Variants in SOAT2 observed in about 807,000 individuals in gnomAD.
SOAT2 encodes ACAT-2.
A neutral mutation model predicts 76.0 loss-of-function variants in SOAT2; 87 were observed. That is an observed-to-expected ratio of 1.14 (90% confidence interval 0.96 to 1.37). SOAT2 has a LOEUF of 1.37. Among genes scored for constraint, SOAT2 ranks in the 40% most tolerant of loss-of-function variants. The pLI is 0.00. For missense variants in SOAT2, 686 were observed against 682.1 expected, an observed-to-expected ratio of 1.01 and a Z score of -0.06; for synonymous variants, 285 against 275.4, an observed-to-expected ratio of 1.03 and a Z score of -0.34.
At chr12:53,113,154 C>G (rs1447349907) in intron 5 of SOAT2, among the ~76,000 whole-genome samples, 2 of 152,164 alleles carry the variant, frequency 1.3e-5, no homozygotes, top group African/African-American at 4.8e-5. Context: ...TTTTGGACAA[C>G]ACAAGGGGGA....
chr12:53,118,441 C>A lies in SOAT2; in HGVS notation c.863+7C>A, dbSNP rs1938139737. On this transcript the variant is annotated splice_region_variant and intron_variant, in intron 8 of 14. Transcript: ENST00000301466. ...ACAGGGAGACTTACCCTAGGTAAGA[C>A]CCTGCACTCCTTCCCCAAATGCCCA... 1 of 1,599,810 alleles carries A rather than the reference C, an allele frequency of 6.3e-7. No individual in the cohort carries two copies. Among genetic ancestry groups the A allele is most frequent in the Non-Finnish European group, 8.6e-7 (1 of 1,167,246 alleles).
intron 6 of SOAT2, 62 bp downstream of exon 6, chr12:53,115,716 G>C: frequency 2.1e-6 from 3 of 1,445,252 alleles, no homozygotes; most frequent in Non-Finnish European, 2.7e-6. Context: ...TCTCAGCAGA[G>C]GGGGAGTCCC....
At chr12:53,112,683 ACT>A (rs1475131610) in intron 5 of SOAT2, among the ~76,000 whole-genome samples, 2 of 149,848 alleles carry the variant, frequency 1.3e-5, no homozygotes, top group African/African-American at 4.9e-5. Flanking sequence ...AATTAAGCTG[ACT>A]CTCAACCATT....
In SOAT2 at chr12:53,120,964, G is replaced by T; in HGVS notation, c.1137+81G>T. The T allele has an allele frequency of 5.7e-6, 6 of 1,056,260 alleles. No homozygotes were observed. In the Admixed American group the frequency reaches 1.0e-4, roughly 18 times the overall value. 65.4% of individuals were successfully genotyped at this position (1,056,260 alleles called of 1,614,324 possible). ...ATCTGGGGAAGATGGTAGCCAGGTT[G>T]GGTGTCACTTCAGCCATGCTGTTCA... On this transcript the variant is annotated intron_variant, in intron 11 of 14. Transcript: ENST00000301466.
chr12:53,105,472 C>T, intron 3 of SOAT2, 89 bp from the exon 4 acceptor site: 1 of 1,363,134 alleles, frequency 7.3e-7, no homozygotes, highest in Middle Eastern at 2.1e-4. Context: ...CCCTACCACT[C>T]CCCTTGGCTC....
chr12:53,113,678 A>G (rs534208670), intron 5 of SOAT2, among the ~76,000 whole-genome samples: 22 of 152,358 alleles, frequency 1.4e-4, no homozygotes, highest in African/African-American at 3.6e-4. Context: ...CACCAGGCCA[A>G]TTAAAAATTA....
chr12:53,123,365 T>A, intron 13 of SOAT2, 149 bp downstream of exon 13: 3 of 1,028,934 alleles, frequency 2.9e-6, no homozygotes, highest in African/African-American at 1.6e-5. Context: ...AAGGGGGTAC[T>A]TGGAAAGCAG....
chr12:53,123,996 T>G (rs1356697069), intron 14 of SOAT2, 77 bp from the exon 15 acceptor site: 3 of 1,603,964 alleles, frequency 1.9e-6, no homozygotes, highest in East Asian at 4.5e-5. Flanking sequence ...TTGGGGGTGA[T>G]GGACTCTCAC....
chr12:53,105,362 C>G, intron 3 of SOAT2, 119 bp downstream of exon 3: 1 of 1,339,768 alleles, frequency 7.5e-7, no homozygotes, highest in Admixed American at 2.2e-5. Context: ...CCCTCTTCCC[C>G]CCTTGTCTTC....
intron 2 of SOAT2, 119 bp from the exon 3 acceptor site, chr12:53,104,987 TG>T (rs1198386987): frequency 7.6e-6 from 8 of 1,051,492 alleles, no homozygotes; most frequent in Non-Finnish European, 9.1e-6. Flanking sequence ...CCCCCCAGGT[TG>T]TTTTTTTTTT....
In SOAT2 at chr12:53,103,629, G is replaced by C; in HGVS notation, c.52G>C (p.Gly18Arg). 6.5e-7 allele frequency: 1 copy of C among 1,544,126 alleles called. No individual in the cohort carries two copies. The highest frequency in any genetic ancestry group is 8.7e-7 in the Non-Finnish European group (1 of 1,145,710). Reference sequence around the variant, plus strand: ...TCTGCAGAGGACAGAAGGGCTGGGAGGGGAGCGGGAGCGCCAACCCTGTGG... The same window carrying C: ...TCTGCAGAGGACAGAAGGGCTGGGACGGGAGCGGGAGCGCCAACCCTGTGG... ...LRLQRTEGLG[G>R]ERERQPCGDG... The change falls in exon 1 of 15, where the codon GGG (glycine) becomes CGG (arginine). Residue 18 changes from glycine to arginine, a missense_variant. Gly to Arg is a moderately radical substitution (Grantham distance 125). Transcript: ENST00000301466.
chr12:53,118,896 CT>C lies in SOAT2; in HGVS notation c.871del (p.Tyr291MetfsTer36), dbSNP rs756142385. The C allele has an allele frequency of 1.2e-4, 197 of 1,613,944 alleles. 1 individual carries two copies. The highest frequency in any genetic ancestry group is 1.5e-4 in the Non-Finnish European group (181 of 1,180,008). ...IYRETYPRTP[Y>X]VRWNYVAKNF... ...GTCCCCATTGCCGCTGCAGGACGCC[CT>C]ATGTCAGGTGGAATTATGTGGCCAA... On this transcript the variant is annotated frameshift_variant, in exon 9 of 15. Transcript: ENST00000301466. LOFTEE classifies it high-confidence loss of function.
chr12:53,111,707 T>G (rs750846587), intron 5 of SOAT2, among the ~76,000 whole-genome samples: 1 of 152,212 alleles, frequency 6.6e-6, no homozygotes, highest in Non-Finnish European at 1.5e-5. Context: ...CAAACAAAAA[T>G]GTATGCTGGC....
At chr12:53,120,945 G>A (rs969733676) in intron 11 of SOAT2, 62 bp downstream of exon 11, 68 of 1,280,304 alleles carry the variant, frequency 5.3e-5, no homozygotes, top group Admixed American at 1.8e-4. Context: ...AGGGATCTGG[G>A]GAAGATGGTA....
chr12:53,105,759 A>G (rs992152380), intron 4 of SOAT2, 139 bp downstream of exon 4: 5 of 961,506 alleles, frequency 5.2e-6, no homozygotes, highest in Non-Finnish European at 7.6e-6. Context: ...CAGGTCCCCT[A>G]TTTGCCCTAG....
intron 5 of SOAT2, among the ~76,000 whole-genome samples, chr12:53,111,358 C>T (rs1001522283): frequency 3.3e-5 from 5 of 152,120 alleles, no homozygotes; most frequent in South Asian, 2.1e-4. Context: ...CTGCCTGCCT[C>T]GGCCTCCCAA....
Position 53,115,593 on chromosome 12 carries a change from T to C in SOAT2, c.647T>C (p.Val216Ala). The change falls in exon 6 of 15, where the codon GTC becomes GCC. Residue 216 changes from valine (V) to alanine (A), a missense_variant. By Grantham distance (64) the Val-to-Ala change is moderately conservative. Coordinates refer to ENST00000301466, the MANE Select transcript of SOAT2 (RefSeq NM_003578.4). ...GCCGTGGTGCTCTGCGCGCTGCCGGTCCACGTGGCCGTGGAGCATCAGCTC... is the reference window on the plus strand; with the variant it reads ...GCCGTGGTGCTCTGCGCGCTGCCGGCCCACGTGGCCGTGGAGCATCAGCTC... ...AHAVVLCALP[V>A]HVAVEHQLPP... The C allele has an allele frequency of 6.3e-7, 1 of 1,576,456 alleles. No individual in the cohort carries two copies. Among genetic ancestry groups the C allele is most frequent in the Non-Finnish European group, 8.6e-7 (1 of 1,167,160 alleles).
chr12:53,106,077 G>A lies in SOAT2; in HGVS notation c.443+63G>A. ...TGATCAGACCCTCTGGGTCCTCAGT[G>A]CCCCACCTGCCCTTGGGGCAAGAGG... On this transcript the variant is annotated intron_variant, in intron 5 of 14. Transcript: ENST00000301466. 2 of 1,138,190 alleles carry A rather than the reference G, an allele frequency of 1.8e-6. 1 individual carries two copies. Among genetic ancestry groups the A allele is most frequent in the South Asian group, 2.6e-5 (2 of 78,330 alleles). 70.5% of individuals were successfully genotyped at this position (1,138,190 alleles called of 1,614,324 possible). A position where few individuals can be genotyped will look rare whatever the true frequency, so the allele number is the denominator to read the frequency against.
intron 7 of SOAT2, 102 bp downstream of exon 7, chr12:53,116,268 C>T (rs931555417): frequency 9.3e-7 from 1 of 1,072,020 alleles, no homozygotes; most frequent in African/African-American, 1.6e-5. Flanking sequence ...CTTCCTAAGC[C>T]CGGGTTGCCC....
Sources: allele counts gnomAD v4.1 joint callset (sites outside exome capture counted in the v4.1 genomes callset), GRCh38; gene constraint gnomAD v4.1.1; transcripts MANE v1.5; gene names NCBI Gene and HGNC (gene_info 2026-07-23, HGNC 2026-07-21).